The following PSMD14 variants were observed in gnomAD, a reference collection of about 807,000 sequenced individuals.
PSMD14 encodes the protein ubiquitin C-terminal hydrolase PSMD14.
PSMD14 carries 7 observed loss-of-function variants against 41.2 expected under a neutral mutation model. That is an observed-to-expected ratio of 0.17 (90% CI 0.10 to 0.32). The LOEUF is 0.32. PSMD14 is among the 10% of genes least tolerant of loss of function. The pLI is 1.00. For missense variants in PSMD14, 139 were observed against 375.6 expected, an observed-to-expected ratio of 0.37 and a Z score of 5.21; for synonymous variants, 114 against 122.3, an observed-to-expected ratio of 0.93 and a Z score of 0.45.
At chr2:161,386,745 A>G (rs767143458) in intron 8 of PSMD14, among the ~76,000 whole-genome samples, 3 of 151,826 alleles carry the variant, frequency 2.0e-5, no homozygotes, top group Non-Finnish European at 4.4e-5. Context: ...CTGCTTCATT[A>G]TTTTTTGCAA....
At chr2:161,318,521 A>G (rs1461536217) in intron 2 of PSMD14, among the ~76,000 whole-genome samples, 1 of 152,168 alleles carries the variant, frequency 6.6e-6, no homozygotes, top group African/African-American at 2.4e-5. Context: ...ACTTTATTAG[A>G]TAACAATAAG....
chr2:161,359,817 G>A (rs556178991), intron 3 of PSMD14, among the ~76,000 whole-genome samples: 6 of 152,190 alleles, frequency 3.9e-5, no homozygotes, highest in East Asian at 3.8e-4. Flanking sequence ...ATGGGATGGC[G>A]TACTGTACTG....
At chr2:161,395,037 CTCA>C in intron 9 of PSMD14, 38 bp from the exon 10 acceptor site, 1 of 1,516,480 alleles carries the variant, frequency 6.6e-7, no homozygotes, top group African/African-American at 1.4e-5. Flanking sequence ...AGGGGGTATC[CTCA>C]AGGCAGAAAA....
intron 2 of PSMD14, among the ~76,000 whole-genome samples, chr2:161,317,963 C>T (rs201618752): frequency 6.6e-6 from 1 of 152,116 alleles, no homozygotes; most frequent in East Asian, 1.9e-4. Context: ...TTGATTACTT[C>T]TTTTTGTTAT....
chr2:161,392,656 G>T (rs1451094437), intron 9 of PSMD14, among the ~76,000 whole-genome samples: 1 of 152,128 alleles, frequency 6.6e-6, no homozygotes, highest in Non-Finnish European at 1.5e-5. Flanking sequence ...TGAGTGAGGG[G>T]AGTGGGGGAC....
intron 3 of PSMD14, among the ~76,000 whole-genome samples, chr2:161,328,370 A>G (rs1682734336): frequency 6.6e-6 from 1 of 152,204 alleles, no homozygotes; most frequent in Non-Finnish European, 1.5e-5. Context: ...TAAGAGAAAA[A>G]TTCAGTTGTA....
At chr2:161,324,512 A>G (rs528644431) in intron 3 of PSMD14, among the ~76,000 whole-genome samples, 18 of 152,332 alleles carry the variant, frequency 1.2e-4, no homozygotes, top group African/African-American at 3.8e-4. Context: ...ATAAGAAAAT[A>G]CTGGGAAAAG....
At position 161,398,457 on chromosome 2, in the gene PSMD14, T is replaced by C. The variant is rs866572072; in HGVS notation, c.771+3254T>C. 5.3e-5 allele frequency among the ~76,000 whole-genome samples: 8 copies of C among 152,220 alleles called. No homozygotes were observed. The Middle Eastern group carries it at 0.014, about 259-fold the overall frequency. On this transcript the variant is annotated intron_variant, in intron 10 of 11. Coordinates refer to ENST00000409682, the MANE Select transcript of PSMD14 (RefSeq NM_005805.6). The stretch of plus-strand genomic sequence containing the variant: ...CTTGATTATTATTAGACATTTGATT[T>C]TTTTCTAATTACTGAACCACAACAC...
intron 3 of PSMD14, among the ~76,000 whole-genome samples, chr2:161,327,946 C>CTGTGTGTGTGTGTGTGTGTG (rs369674882): frequency 0.02 from 2,362 of 117,012 alleles, 118 homozygotes; most frequent in East Asian, 0.043. Context: ...CTCATGTAAG[C>CTGTGTGTGTGTGTGTGTGTG]TGTGTGTGTG....
chr2:161,350,884 A>G (rs945958022), intron 3 of PSMD14, among the ~76,000 whole-genome samples: 1 of 152,116 alleles, frequency 6.6e-6, no homozygotes, highest in African/African-American at 2.4e-5. Context: ...ATTTCCCCCA[A>G]GTGTAATTAG....
intron 3 of PSMD14, among the ~76,000 whole-genome samples, chr2:161,323,544 T>C (rs1484789133): frequency 6.6e-6 from 1 of 151,910 alleles, no homozygotes; most frequent in African/African-American, 2.4e-5. Flanking sequence ...ACATCTGTAA[T>C]CCCAGCTACT....
At chr2:161,379,623 CTG>C (rs1683548965) in intron 7 of PSMD14, among the ~76,000 whole-genome samples, 1 of 152,106 alleles carries the variant, frequency 6.6e-6, no homozygotes, top group Non-Finnish European at 1.5e-5. Flanking sequence ...GCTTTGTTAA[CTG>C]TATCAGTTTG....
In PSMD14 at chr2:161,326,695, C is replaced by T. The variant is rs531921135; in HGVS notation, c.48+7822C>T. Reference sequence around the variant, plus strand: ...TGAATGGATAAATAAAATGCATATACACTCATTCCTTAGTATCCTCGGGGG... The same window carrying T: ...TGAATGGATAAATAAAATGCATATATACTCATTCCTTAGTATCCTCGGGGG... On this transcript the variant is annotated intron_variant, in intron 3 of 11. Coordinates refer to ENST00000409682, the MANE Select transcript of PSMD14 (RefSeq NM_005805.6). Among the ~76,000 whole-genome samples the T allele has an allele frequency of 4.6e-5, 7 of 152,254 alleles. No homozygotes were observed. The East Asian group carries it at 7.7e-4, about 17-fold the overall frequency.
chr2:161,395,922 C>T (rs1490335910), intron 10 of PSMD14, among the ~76,000 whole-genome samples: 2 of 152,204 alleles, frequency 1.3e-5, no homozygotes, highest in East Asian at 3.8e-4. Context: ...ATTGTCCACA[C>T]ACCAGCTACA....
intron 7 of PSMD14, among the ~76,000 whole-genome samples, chr2:161,374,336 C>T (rs1368113155): frequency 6.6e-6 from 1 of 151,754 alleles, no homozygotes; most frequent in Non-Finnish European, 1.5e-5. Context: ...ATGTGTTGTT[C>T]AATTAATTTT....
chr2:161,377,516 CATTT>C (rs1683519475), intron 7 of PSMD14, among the ~76,000 whole-genome samples: 1 of 151,818 alleles, frequency 6.6e-6, no homozygotes, highest in South Asian at 2.1e-4. Flanking sequence ...TAGTTTATCA[CATTT>C]ATTTAGCTGA....
chr2:161,315,907 G>A (rs1310885662), intron 1 of PSMD14, among the ~76,000 whole-genome samples: 1 of 142,954 alleles, frequency 7.0e-6, no homozygotes, highest in Non-Finnish European at 1.5e-5. Context: ...GCAATGGCGC[G>A]TTCTCGGCTC....
At chr2:161,395,456 T>C (rs1683779732) in intron 10 of PSMD14, among the ~76,000 whole-genome samples, 1 of 152,196 alleles carries the variant, frequency 6.6e-6, no homozygotes, top group Non-Finnish European at 1.5e-5. Flanking sequence ...ATTTGTCCCA[T>C]GGGCTATAGT....
chr2:161,368,080 G>A (rs1683383239), intron 5 of PSMD14, among the ~76,000 whole-genome samples, 177 bp downstream of exon 5: 1 of 151,912 alleles, frequency 6.6e-6, no homozygotes, highest in African/African-American at 2.4e-5. Flanking sequence ...TTAAAACGCA[G>A]CATAACTTCT....
Sources: allele counts gnomAD v4.1 joint callset (sites outside exome capture counted in the v4.1 genomes callset), GRCh38; gene constraint gnomAD v4.1.1; transcripts MANE v1.5; gene names NCBI Gene and HGNC (gene_info 2026-07-23, HGNC 2026-07-21).